TJP1: variants seen among roughly 807,000 people sequenced by gnomAD.
TJP1 encodes tight junction protein ZO-1.
In TJP1, 43 loss-of-function variants were observed where a neutral mutation model predicts 194.2. The observed-to-expected ratio is 0.22, with a 90% CI of 0.17 to 0.29. The LOEUF is 0.29. TJP1 is among the 10% of genes least tolerant of loss of function. The pLI, the probability that TJP1 is intolerant of heterozygous loss-of-function variation, is 1.00. For synonymous variants in TJP1, 801 were observed against 779.0 expected (o/e 1.03, Z -0.47); for missense variants, 1,971 against 2,185.7 (o/e 0.90, Z 1.96).
chr15:29,784,301 A>AT (rs944354041), intron 2 of TJP1, among the ~76,000 whole-genome samples: 14 of 149,756 alleles, frequency 9.3e-5, no homozygotes, highest in African/African-American at 2.4e-4. Flanking sequence ...CAACTCAAGG[A>AT]TTTTTTTTTT....
chr15:29,914,038 GGGGATGGTATCTGCCTCTGTCACACAA>G (rs1264922053), intron 2 of TJP1, among the ~76,000 whole-genome samples: 15 of 152,138 alleles, frequency 9.9e-5, no homozygotes, highest in Non-Finnish European at 1.5e-5. Flanking sequence ...GAAACCTCAG[GGGGATGGTATCTGCCTCTGTCACACAA>G]GGGAATGAAT....
intron 1 of TJP1, among the ~76,000 whole-genome samples, chr15:29,807,543 C>T (rs1276974834): frequency 6.6e-6 from 1 of 152,076 alleles, no homozygotes; most frequent in Non-Finnish European, 1.5e-5. Flanking sequence ...GAGTGACAGT[C>T]CTCTGAGTAT....
At chr15:29,792,280 A>G (rs927922799) in intron 2 of TJP1, among the ~76,000 whole-genome samples, 15 of 152,156 alleles carry the variant, frequency 9.9e-5, no homozygotes, top group African/African-American at 3.6e-4. Context: ...GTTTTAGTAT[A>G]CGGCAAGAAA....
At chr15:29,777,729 G>A (rs2047107231) in intron 2 of TJP1, among the ~76,000 whole-genome samples, 2 of 152,004 alleles carry the variant, frequency 1.3e-5, no homozygotes, top group South Asian at 4.1e-4. Context: ...TCTTTTGACA[G>A]AGCAAACTAA....
intron 2 of TJP1, among the ~76,000 whole-genome samples, chr15:29,923,935 T>C (rs765951793): frequency 6.6e-6 from 1 of 152,242 alleles, no homozygotes; most frequent in Non-Finnish European, 1.5e-5. Context: ...TTCTAATGTG[T>C]GTGAGTTTCA....
At chr15:29,731,045 A>G (rs1296416778) in intron 15 of TJP1, 2 of 891,118 alleles carry the variant, frequency 2.2e-6, no homozygotes, top group East Asian at 4.8e-5. Context: ...AAATACTTTT[A>G]TCAAGTTTTA....
intron 2 of TJP1, among the ~76,000 whole-genome samples, chr15:29,921,704 A>G (rs2054364936): frequency 6.6e-6 from 1 of 152,192 alleles, no homozygotes; most frequent in Admixed American, 6.5e-5. Context: ...TCAACAGCTT[A>G]AACAGTTTTT....
At position 29,702,092 on chromosome 15, in the gene TJP1, C is replaced by CTTT. The variant is rs200847680; in HGVS notation, c.5213-406_5213-404dup. The stretch of plus-strand genomic sequence containing the variant: ...AGAGCCCACATAATTATCAGTAGCA[C>CTTT]TTTTTTTTTTTTTCCAGTTTCGAAA... On this transcript the variant is annotated intron_variant, in intron 27 of 27. Coordinates refer to ENST00000614355, the MANE Select transcript of TJP1 (RefSeq NM_001330239.4). Among the ~76,000 whole-genome samples, 6 of 146,004 alleles carry CTTT rather than the reference C, an allele frequency of 4.1e-5. No individual in the cohort carries two copies. The South Asian group carries it at 8.7e-4, about 21-fold the overall frequency.
At chr15:29,786,447 T>C (rs899590441) in intron 2 of TJP1, among the ~76,000 whole-genome samples, 1 of 152,170 alleles carries the variant, frequency 6.6e-6, no homozygotes, top group Non-Finnish European at 1.5e-5. Context: ...AGAGAGACCT[T>C]TGTTTAGTTT....
intron 2 of TJP1, among the ~76,000 whole-genome samples, chr15:29,870,481 A>G (rs2052474247): frequency 6.6e-6 from 1 of 152,232 alleles, no homozygotes; most frequent in Non-Finnish European, 1.5e-5. Context: ...GTTAGATTTG[A>G]TGAAACCGAA....
intron 2 of TJP1, among the ~76,000 whole-genome samples, chr15:29,851,841 C>G (rs2051653826): frequency 6.6e-6 from 1 of 152,110 alleles, no homozygotes; most frequent in South Asian, 2.1e-4. Flanking sequence ...CATATATGTC[C>G]AACTCTTTTT....
At chr15:29,743,826 G>A (rs540463112) in intron 8 of TJP1, among the ~76,000 whole-genome samples, 1 of 152,156 alleles carries the variant, frequency 6.6e-6, no homozygotes, top group Admixed American at 6.6e-5. Context: ...GTACAAATAC[G>A]TAATAAATAT....
chr15:29,819,959 G>T (rs1379672315), intron 1 of TJP1, among the ~76,000 whole-genome samples: 2 of 152,058 alleles, frequency 1.3e-5, no homozygotes, highest in African/African-American at 4.8e-5. Flanking sequence ...ATATAAAAAG[G>T]CTACTATTCC....
chr15:29,965,848 C>T (rs76700015), intron 1 of TJP1, among the ~76,000 whole-genome samples: 3,271 of 152,216 alleles, frequency 0.021, 101 homozygotes, highest in African/African-American at 0.075. Context: ...TTCCCTTTGC[C>T]GCTGTAGAAT....
In TJP1 at chr15:29,743,948, A is replaced by G. The variant is rs142601247; in HGVS notation, c.1011-1167T>C. On this transcript the variant is annotated intron_variant, in intron 8 of 27. Coordinates refer to ENST00000614355, the MANE Select transcript of TJP1 (RefSeq NM_001330239.4). ...GTATTCCCAGCATTTTGGGAGGCAG[A>G]GGCAGGCGGATCACGAGGTCAAGAA... Among the ~76,000 whole-genome samples the G allele has an allele frequency of 1.1e-3, 161 of 152,342 alleles. 1 individual carries two copies. Among genetic ancestry groups the G allele is most frequent in the African/African-American group, 3.8e-3 (156 of 41,580 alleles).
intron 1 of TJP1, among the ~76,000 whole-genome samples, chr15:29,808,803 A>G (rs1018729888): frequency 2.2e-5 from 3 of 134,704 alleles, no homozygotes; most frequent in African/African-American, 8.3e-5. Context: ...TCATTTTGTA[A>G]CACCTAGTGA....
chr15:29,871,330 T>C (rs2052510240), intron 2 of TJP1, among the ~76,000 whole-genome samples: 1 of 152,244 alleles, frequency 6.6e-6, no homozygotes, highest in South Asian at 2.1e-4. Context: ...GGAAAATATA[T>C]ACAGTTGGTT....
At chr15:29,884,703 T>C (rs2053056131) in intron 2 of TJP1, among the ~76,000 whole-genome samples, 1 of 152,184 alleles carries the variant, frequency 6.6e-6, no homozygotes, top group Non-Finnish European at 1.5e-5. Flanking sequence ...CTGCACTACC[T>C]AAGGCATCGA....
At chr15:29,818,063 G>A (rs1264963803) in intron 1 of TJP1, among the ~76,000 whole-genome samples, 1 of 150,922 alleles carries the variant, frequency 6.6e-6, no homozygotes, top group African/African-American at 2.4e-5. Context: ...CAATTCCTGG[G>A]TATCATGTAA....
Sources: gnomAD v4.1 joint callset for allele counts (sites outside exome capture counted in the v4.1 genomes callset) on GRCh38, gnomAD v4.1.1 for gene constraint, MANE v1.5 for transcripts, NCBI Gene and HGNC (gene_info 2026-07-23, HGNC 2026-07-21) for gene names.